Variants in MAGI1 observed in about 807,000 individuals in gnomAD.
MAGI1 encodes membrane-associated guanylate kinase, WW and PDZ domain-containing protein 1.
In MAGI1, 58 loss-of-function variants were observed where a neutral mutation model predicts 139.9. That is an observed-to-expected ratio of 0.41 (90% confidence interval 0.34 to 0.52). The LOEUF is 0.52. Among genes scored for constraint, MAGI1 ranks in the 20% least tolerant of loss-of-function variants. The probability of loss-of-function intolerance (pLI) is 0.12; values close to 1 mark genes in which losing one functional copy is unlikely to be tolerated. For missense variants in MAGI1, 1,874 were observed against 1,901.6 expected, an observed-to-expected ratio of 0.99 and a Z score of 0.27; for synonymous variants, 812 against 737.9, an observed-to-expected ratio of 1.10 and a Z score of -1.63.
intron 1 of MAGI1, among the ~76,000 whole-genome samples, chr3:65,678,125 G>A (rs973630912): frequency 1.3e-5 from 2 of 152,142 alleles, no homozygotes; most frequent in African/African-American, 4.8e-5. Context: ...TGAACAATGA[G>A]AACACATGGA....
intron 1 of MAGI1, among the ~76,000 whole-genome samples, chr3:65,942,114 C>T (rs975841111): frequency 2.6e-5 from 4 of 152,098 alleles, no homozygotes; most frequent in African/African-American, 9.7e-5. Flanking sequence ...TGCCATTTTC[C>T]TTCCTGACCT....
At chr3:65,869,164 G>C (rs918729402) in intron 1 of MAGI1, among the ~76,000 whole-genome samples, 20 of 149,916 alleles carry the variant, frequency 1.3e-4, no homozygotes, top group Non-Finnish European at 1.8e-4. Context: ...GCAGAGGCAG[G>C]AGAATGGCGT....
At chr3:65,538,833 C>G (rs2079074933) in intron 2 of MAGI1, among the ~76,000 whole-genome samples, 4 of 152,134 alleles carry the variant, frequency 2.6e-5, no homozygotes, top group Non-Finnish European at 4.4e-5. Context: ...GTCAAGCAGT[C>G]ATACAAACCA....
chr3:65,887,026 T>A (rs777636685), intron 1 of MAGI1, among the ~76,000 whole-genome samples: 22 of 152,284 alleles, frequency 1.4e-4, no homozygotes, highest in Middle Eastern at 3.4e-3. Flanking sequence ...TGCAAACTCA[T>A]AAAATACAAG....
chr3:65,740,017 T>A (rs2035120622), intron 1 of MAGI1, among the ~76,000 whole-genome samples: 1 of 151,904 alleles, frequency 6.6e-6, no homozygotes, highest in African/African-American at 2.4e-5. Context: ...AAATGCAGTA[T>A]CTGCAAAGTG....
intron 1 of MAGI1, among the ~76,000 whole-genome samples, chr3:65,625,658 G>T (rs2083932129): frequency 6.6e-6 from 1 of 152,170 alleles, no homozygotes; most frequent in Admixed American, 6.5e-5. Context: ...TGATGTTGTT[G>T]AATGGACGAT....
chr3:65,545,186 CA>C lies in MAGI1; in HGVS notation c.431-51556del, dbSNP rs534585514. ...CACTTCTGACAAACCCATGAGAAAG[CA>C]AAAAATTTAACACCTATCCCAAAAT... On this transcript the variant is annotated intron_variant, in intron 2 of 22. Coordinates refer to ENST00000402939, the MANE Select transcript of MAGI1 (RefSeq NM_001033057.2). Among the ~76,000 whole-genome samples, 12 of 152,028 alleles carry C rather than the reference CA, an allele frequency of 7.9e-5. No homozygotes were observed. In the East Asian group the frequency reaches 1.9e-3, roughly 25 times the overall value.
chr3:65,405,781 G>A (rs1945284621), intron 12 of MAGI1, among the ~76,000 whole-genome samples: 1 of 151,384 alleles, frequency 6.6e-6, no homozygotes. Flanking sequence ...TTTTAGTAGA[G>A]ACGGGGTTTC....
At chr3:65,938,826 G>C (rs569835327) in intron 1 of MAGI1, among the ~76,000 whole-genome samples, 2 of 152,252 alleles carry the variant, frequency 1.3e-5, no homozygotes, top group Admixed American at 6.5e-5. Flanking sequence ...GTGATAGACT[G>C]GCAGAGCACA....
intron 1 of MAGI1, among the ~76,000 whole-genome samples, chr3:65,811,087 A>G (rs895174042): frequency 6.6e-6 from 1 of 152,230 alleles, no homozygotes. Flanking sequence ...GGTTCTGAAA[A>G]CTAACTATAG....
chr3:65,469,446 C>A (rs567289916), intron 5 of MAGI1, among the ~76,000 whole-genome samples: 1 of 151,568 alleles, frequency 6.6e-6, no homozygotes, highest in Non-Finnish European at 1.5e-5. Flanking sequence ...AGGAAAACCA[C>A]ATTATCTTAG....
intron 14 of MAGI1, among the ~76,000 whole-genome samples, chr3:65,390,689 G>T (rs1943853520): frequency 6.6e-6 from 1 of 151,958 alleles, no homozygotes; most frequent in Non-Finnish European, 1.5e-5. Flanking sequence ...GATTATAATG[G>T]TTAAAAAAAA....
At position 65,425,272 on chromosome 3, in the gene MAGI1, G is replaced by A. The variant is rs1317510056; in HGVS notation, c.2167+4248C>T. ...TGTGATGACTACTACGTCAGGAATTGGCACAAATGCTACCTTATTTAATCT... is the reference window on the plus strand; with the variant it reads ...TGTGATGACTACTACGTCAGGAATTAGCACAAATGCTACCTTATTTAATCT... On this transcript the variant is annotated intron_variant, in intron 12 of 22. Coordinates refer to ENST00000402939, the MANE Select transcript of MAGI1 (RefSeq NM_001033057.2). Among the ~76,000 whole-genome samples the A allele has an allele frequency of 2.6e-5, 4 of 152,188 alleles. No homozygotes were observed. The East Asian group carries it at 7.7e-4, about 29-fold the overall frequency.
intron 1 of MAGI1, among the ~76,000 whole-genome samples, chr3:65,764,763 T>C (rs11919158): frequency 0.014 from 2,095 of 152,322 alleles, 44 homozygotes; most frequent in African/African-American, 0.047. Context: ...ACTTGGCTTT[T>C]TGAAAGGAAT....
chr3:65,640,640 TC>T (rs2084930721), intron 1 of MAGI1, among the ~76,000 whole-genome samples: 1 of 152,210 alleles, frequency 6.6e-6, no homozygotes, highest in African/African-American at 2.4e-5. Flanking sequence ...GCTGAAGAGT[TC>T]ACAAAAATTC....
At chr3:65,486,950 T>C (rs1951675903) in intron 3 of MAGI1, among the ~76,000 whole-genome samples, 2 of 152,230 alleles carry the variant, frequency 1.3e-5, no homozygotes, top group Admixed American at 1.3e-4. Flanking sequence ...ATTGTCATCA[T>C]CTGTCTTTTC....
rs139601136 is a variant in MAGI1, at chr3:65,629,385, A to G, written c.314-7297T>C. On this transcript the variant is annotated intron_variant, in intron 1 of 22. Coordinates refer to ENST00000402939, the MANE Select transcript of MAGI1 (RefSeq NM_001033057.2). ...CATTACAATTAGAATTGACACTTTA[A>G]TACAGTTCAAATTTTCAATGCTAAG... Among the ~76,000 whole-genome samples, 282 of 152,338 alleles carry G rather than the reference A, an allele frequency of 1.9e-3. 1 individual carries two copies. The highest frequency in any genetic ancestry group is 6.6e-3 in the African/African-American group (274 of 41,574).
At chr3:65,426,202 TG>T (rs1363354863) in intron 12 of MAGI1, among the ~76,000 whole-genome samples, 1 of 152,130 alleles carries the variant, frequency 6.6e-6, no homozygotes, top group African/African-American at 2.4e-5. Flanking sequence ...CCCGGCTACT[TG>T]GGAGTATGGA....
chr3:65,891,521 C>T (rs187839), intron 1 of MAGI1, among the ~76,000 whole-genome samples: 21,884 of 151,796 alleles, frequency 0.14, 3,679 homozygotes, highest in African/African-American at 0.41. Context: ...GATTAAGGGA[C>T]AGAAGTATTT....
Sources: allele counts gnomAD v4.1 joint callset (sites outside exome capture counted in the v4.1 genomes callset), GRCh38; gene constraint gnomAD v4.1.1; transcripts MANE v1.5; gene names NCBI Gene and HGNC (gene_info 2026-07-23, HGNC 2026-07-21).